Variants in LOC122539214 observed in about 807,000 individuals in gnomAD.
At chr19:52,652,766 G>A in the LOC122539214 span, 1 of 820,654 alleles carries the variant, frequency 1.2e-6, no homozygotes, top group African/African-American at 1.7e-5. Context: ...TGATGAATAA[G>A]TGATGACTGC....
the LOC122539214 span, among the ~76,000 whole-genome samples, chr19:52,676,727 C>G: frequency 0.021 from 2,890 of 138,488 alleles, 218 homozygotes; most frequent in Admixed American, 0.13. Flanking sequence ...GGATGGTTGC[C>G]GTGTCTGTGT....
the LOC122539214 span, among the ~76,000 whole-genome samples, chr19:52,657,027 G>T: frequency 6.6e-6 from 1 of 152,010 alleles, no homozygotes. Context: ...GAGGTGGGAG[G>T]ATTGCTTGAG....
the LOC122539214 span, among the ~76,000 whole-genome samples, chr19:52,666,685 C>T: frequency 6.7e-6 from 1 of 149,220 alleles, no homozygotes; most frequent in Non-Finnish European, 1.5e-5. Flanking sequence ...AAGTATGAGG[C>T]TATTCTGGTA....
At chr19:52,667,414 A>G in the LOC122539214 span, among the ~76,000 whole-genome samples, 62 of 152,290 alleles carry the variant, frequency 4.1e-4, no homozygotes, top group African/African-American at 1.5e-3. Flanking sequence ...GAGGGAATTT[A>G]TGCAAGAAAT....
At chr19:52,654,625 G>T in the LOC122539214 span, among the ~76,000 whole-genome samples, 1 of 152,254 alleles carries the variant, frequency 6.6e-6, no homozygotes, top group Middle Eastern at 3.4e-3. Flanking sequence ...GCTGAGGCAG[G>T]AGAATTTCTT....
At chr19:52,684,673 G>T in the LOC122539214 span, among the ~76,000 whole-genome samples, 1 of 152,102 alleles carries the variant, frequency 6.6e-6, no homozygotes, top group Non-Finnish European at 1.5e-5. Flanking sequence ...GGGTGGGAGG[G>T]CATGGGAGAC....
At chr19:52,667,486 G>A in the LOC122539214 span, among the ~76,000 whole-genome samples, 4 of 152,174 alleles carry the variant, frequency 2.6e-5, no homozygotes, top group Non-Finnish European at 5.9e-5. Flanking sequence ...AACAGTTTAT[G>A]TGCAAGTTGT....
chr19:52,676,481 C>T, the LOC122539214 span, among the ~76,000 whole-genome samples: 1 of 151,876 alleles, frequency 6.6e-6, no homozygotes, highest in Admixed American at 6.6e-5. Flanking sequence ...CCCGGCTAGC[C>T]TCCCCGTCCG....
At chr19:52,686,832 C>CA in the LOC122539214 span, among the ~76,000 whole-genome samples, 1 of 152,048 alleles carries the variant, frequency 6.6e-6, no homozygotes, top group East Asian at 1.9e-4. Flanking sequence ...CTCGGTCTCC[C>CA]AAAGTGCTGG....
At chr19:52,669,543 A>G in the LOC122539214 span, among the ~76,000 whole-genome samples, 1 of 152,222 alleles carries the variant, frequency 6.6e-6, no homozygotes, top group Non-Finnish European at 1.5e-5. Flanking sequence ...AAGAGTTTGC[A>G]TCATAATTAA....
chr19:52,653,560 C>T, the LOC122539214 span, among the ~76,000 whole-genome samples: 2 of 152,124 alleles, frequency 1.3e-5, no homozygotes, highest in African/African-American at 2.4e-5. Flanking sequence ...ACATCCTTCA[C>T]ATTTGTAAGG....
At chr19:52,653,091 A>T in the LOC122539214 span, 136 of 1,480,444 alleles carry the variant, frequency 9.2e-5, 1 homozygote, top group African/African-American at 3.9e-4. Flanking sequence ...GAATTGCCTT[A>T]TGAATTAGAA....
chr19:52,675,857 G>A, the LOC122539214 span, among the ~76,000 whole-genome samples: 5 of 152,148 alleles, frequency 3.3e-5, no homozygotes, highest in African/African-American at 9.7e-5. Flanking sequence ...ATTGACCAGA[G>A]GTTAACTATA....
the LOC122539214 span, among the ~76,000 whole-genome samples, chr19:52,674,527 C>T: frequency 6.6e-6 from 1 of 152,112 alleles, no homozygotes; most frequent in African/African-American, 2.4e-5. Flanking sequence ...TAGAAAGTCA[C>T]AAAGACTCAA....
the LOC122539214 span, among the ~76,000 whole-genome samples, chr19:52,667,333 T>C: frequency 6.6e-6 from 1 of 152,104 alleles, no homozygotes; most frequent in Non-Finnish European, 1.5e-5. Flanking sequence ...AAGGGATGTT[T>C]GCAACAATTC....
the LOC122539214 span, chr19:52,655,699 C>T: frequency 5.0e-6 from 5 of 1,001,968 alleles, no homozygotes; most frequent in Admixed American, 2.0e-5. Context: ...TAAAATTAAA[C>T]ACACATTTCA....
chr19:52,684,034 G>T, the LOC122539214 span, among the ~76,000 whole-genome samples: 1 of 152,098 alleles, frequency 6.6e-6, no homozygotes, highest in Non-Finnish European at 1.5e-5. Flanking sequence ...ACGAGTTTGA[G>T]ATTAGCCATG....
the LOC122539214 span, among the ~76,000 whole-genome samples, chr19:52,657,622 C>G: frequency 3.5e-3 from 530 of 151,922 alleles, 6 homozygotes; most frequent in African/African-American, 0.012. Flanking sequence ...CCAAGGCAGG[C>G]GGATCACCTG....
chr19:52,677,530 C>T, the LOC122539214 span, among the ~76,000 whole-genome samples: 1 of 151,670 alleles, frequency 6.6e-6, no homozygotes, highest in Non-Finnish European at 1.5e-5. Context: ...AGCAGTATGG[C>T]GGTCTGAGGT....
Sources: gnomAD v4.1 joint callset for allele counts (sites outside exome capture counted in the v4.1 genomes callset) on GRCh38, gnomAD v4.1.1 for gene constraint, MANE v1.5 for transcripts.